The following TGFA variants were observed in gnomAD, a reference collection of about 807,000 sequenced individuals.
TGFA encodes the protein protransforming growth factor alpha.
Under a neutral mutation model 21.7 loss-of-function variants are expected in TGFA, and 12 were observed. That is an observed-to-expected ratio of 0.55 (90% CI 0.35 to 0.90). The LOEUF (loss-of-function observed/expected upper bound fraction) is 0.90, where lower values mean the gene tolerates loss of function less well. Ranked by LOEUF, TGFA falls within the 40% of genes least tolerant of loss-of-function variation. The probability of loss-of-function intolerance (pLI) is 0.01; values close to 1 mark genes in which losing one functional copy is unlikely to be tolerated. For missense variants in TGFA, 178 were observed against 210.8 expected (o/e 0.84, Z 0.96); for synonymous variants, 79 against 88.1 (o/e 0.90, Z 0.58).
intron 2 of TGFA, among the ~76,000 whole-genome samples, chr2:70,501,489 T>C (rs1236142317): frequency 2.0e-5 from 3 of 152,100 alleles, no homozygotes; most frequent in Non-Finnish European, 2.9e-5. Flanking sequence ...GCCCTCCTGC[T>C]CACTCACAAA....
chr2:70,473,037 G>A (rs1029380727), intron 2 of TGFA, among the ~76,000 whole-genome samples: 2 of 152,202 alleles, frequency 1.3e-5, no homozygotes, highest in Admixed American at 6.5e-5. Flanking sequence ...GTCAGCAGTA[G>A]CTACTGGGGA....
chr2:70,534,725 G>A (rs113452615), intron 1 of TGFA, among the ~76,000 whole-genome samples: 1 of 152,234 alleles, frequency 6.6e-6, no homozygotes, highest in African/African-American at 2.4e-5. Context: ...CACTGGGAAG[G>A]GCAGTATTTC....
At chr2:70,516,463 G>A (rs995022849) in intron 1 of TGFA, among the ~76,000 whole-genome samples, 79 of 152,200 alleles carry the variant, frequency 5.2e-4, no homozygotes, top group Admixed American at 2.6e-3. Flanking sequence ...TGCTTTTACT[G>A]GAGGTCTGGC....
chr2:70,529,596 C>A (rs959431034), intron 1 of TGFA, among the ~76,000 whole-genome samples: 7 of 136,220 alleles, frequency 5.1e-5, no homozygotes, highest in African/African-American at 2.1e-4. Context: ...AATCCCCCCG[C>A]CCCAGTCCTA....
At chr2:70,492,786 C>T (rs529728462) in intron 2 of TGFA, among the ~76,000 whole-genome samples, 7 of 152,268 alleles carry the variant, frequency 4.6e-5, no homozygotes, top group Non-Finnish European at 7.4e-5. Flanking sequence ...GTCATAACTA[C>T]GACCCTTTTA....
intron 2 of TGFA, among the ~76,000 whole-genome samples, chr2:70,496,617 G>C (rs1671586045): frequency 6.6e-6 from 1 of 152,162 alleles, no homozygotes; most frequent in Non-Finnish European, 1.5e-5. Context: ...GAAACTCTCT[G>C]GGGCTCAGTT....
At chr2:70,537,621 A>G (rs781995394) in intron 1 of TGFA, among the ~76,000 whole-genome samples, 1 of 152,200 alleles carries the variant, frequency 6.6e-6, no homozygotes. Flanking sequence ...ACCAGCTAAA[A>G]CTTGCCCTTA....
intron 1 of TGFA, among the ~76,000 whole-genome samples, chr2:70,535,559 C>A (rs550416915): frequency 1.8e-4 from 28 of 152,282 alleles, no homozygotes; most frequent in African/African-American, 6.7e-4. Flanking sequence ...GCCTAGTTCA[C>A]AAAAATCACA....
intron 2 of TGFA, among the ~76,000 whole-genome samples, chr2:70,490,327 T>C (rs1458837131): frequency 6.6e-6 from 1 of 152,232 alleles, no homozygotes; most frequent in Non-Finnish European, 1.5e-5. Context: ...AGATATTCTC[T>C]CTCCCATCTT....
At chr2:70,542,194 A>T (rs1215070940) in intron 1 of TGFA, among the ~76,000 whole-genome samples, 2 of 152,138 alleles carry the variant, frequency 1.3e-5, no homozygotes, top group Non-Finnish European at 2.9e-5. Context: ...GTTGCTAAGA[A>T]CTGGGAGAGG....
chr2:70,456,569 G>A (rs1161121767), intron 3 of TGFA, 81 bp from the exon 4 acceptor site: 2 of 1,487,066 alleles, frequency 1.3e-6, no homozygotes, highest in Admixed American at 2.1e-5. Context: ...CTTTCCTGGA[G>A]GGACCCAGAG....
chr2:70,494,929 T>G (rs1393605965), intron 2 of TGFA, among the ~76,000 whole-genome samples: 2 of 152,230 alleles, frequency 1.3e-5, no homozygotes, highest in Admixed American at 1.3e-4. Flanking sequence ...TATAGTGGTT[T>G]TCAGGAGATG....
At chr2:70,524,553 C>T (rs542928161) in intron 1 of TGFA, among the ~76,000 whole-genome samples, 2 of 152,362 alleles carry the variant, frequency 1.3e-5, no homozygotes, top group East Asian at 1.9e-4. Flanking sequence ...CACCAACAGG[C>T]TCTACCAGGG....
intron 2 of TGFA, among the ~76,000 whole-genome samples, chr2:70,479,155 A>G (rs994893805): frequency 2.6e-5 from 4 of 152,206 alleles, no homozygotes; most frequent in African/African-American, 7.2e-5. Flanking sequence ...AAAAAATTAT[A>G]TCCTCCCCAT....
intron 1 of TGFA, 61 bp downstream of exon 1, chr2:70,553,667 C>T (rs1673587189): frequency 1.5e-6 from 2 of 1,327,908 alleles, no homozygotes; most frequent in Non-Finnish European, 9.6e-7. Context: ...GGGAACTCGG[C>T]GGGGACCGGG....
chr2:70,532,555 G>A (rs891701892), intron 1 of TGFA, among the ~76,000 whole-genome samples: 1 of 152,190 alleles, frequency 6.6e-6, no homozygotes, highest in Non-Finnish European at 1.5e-5. Flanking sequence ...AGGGCGGCTG[G>A]TGCCGGCCTT....
At chr2:70,480,578 G>A (rs1671084280) in intron 2 of TGFA, among the ~76,000 whole-genome samples, 1 of 152,212 alleles carries the variant, frequency 6.6e-6, no homozygotes, top group Middle Eastern at 3.4e-3. Context: ...GCTTATGGAC[G>A]TTTTCTACAT....
intron 2 of TGFA, among the ~76,000 whole-genome samples, chr2:70,471,109 A>ACCCC (rs3836154): frequency 9.3e-5 from 10 of 107,286 alleles, no homozygotes; most frequent in African/African-American, 3.5e-4. Flanking sequence ...TCCTCCCCGC[A>ACCCC]CCCCCCCCAC....
intron 3 of TGFA, among the ~76,000 whole-genome samples, chr2:70,459,598 G>GC (rs1234506362): frequency 1.3e-5 from 2 of 152,176 alleles, no homozygotes; most frequent in Non-Finnish European, 2.9e-5. Context: ...GGGCAAAGGT[G>GC]CCCCCAGACA....
Sources: gnomAD v4.1 joint callset for allele counts (sites outside exome capture counted in the v4.1 genomes callset) on GRCh38, gnomAD v4.1.1 for gene constraint, MANE v1.5 for transcripts, NCBI Gene and HGNC (gene_info 2026-07-23, HGNC 2026-07-21) for gene names.